Variants in DAOA observed in about 807,000 individuals in gnomAD.
DAOA encodes the protein D-amino acid oxidase activator.
Under a neutral mutation model 16.4 loss-of-function variants are expected in DAOA, and 15 were observed. The ratio of observed to expected loss-of-function variants is 0.91; its 90% confidence interval spans 0.61 to 1.41. The LOEUF (loss-of-function observed/expected upper bound fraction) is 1.41. Among genes scored for constraint, DAOA ranks in the 40% most tolerant of loss-of-function variants. DAOA has a pLI of 0.00. For missense variants in DAOA, 230 were observed against 176.8 expected, an observed-to-expected ratio of 1.30 and a Z score of -1.71; for synonymous variants, 75 against 59.1, an observed-to-expected ratio of 1.27 and a Z score of -1.23.
intron 3 of DAOA, among the ~76,000 whole-genome samples, chr13:105,470,290 C>G (rs1047237427): frequency 6.6e-6 from 1 of 152,062 alleles, no homozygotes; most frequent in Non-Finnish European, 1.5e-5. Flanking sequence ...AAATGCTATT[C>G]TTTTCCAGTT....
chr13:105,467,273 A>G (rs1876591533), intron 3 of DAOA, 132 bp downstream of exon 3: 1 of 1,037,746 alleles, frequency 9.6e-7, no homozygotes, highest in South Asian at 1.9e-5. Context: ...AGATACAGGA[A>G]GAAAATTTTT....
Position 105,467,130 on chromosome 13 carries a change from T to C in DAOA, c.122T>C (p.Leu41Pro). 3.7e-6 allele frequency: 6 copies of C among 1,608,826 alleles called. No individual in the cohort carries two copies. Among genetic ancestry groups the C allele is most frequent in the Non-Finnish European group, 5.1e-6 (6 of 1,176,574 alleles). ...CTTCTGAGCAAATCTGAAAACTCTC[T>C]AAACTCTATTGGTATGTTACTCTTT... ...SILLSKSENS[L>P]NSIAKETEEG... The change falls in exon 3 of 6, where the codon CTA becomes CCA. Residue 41 changes from leucine to proline, a missense_variant. Transcript: ENST00000375936.
chr13:105,486,175 G>T (rs1408588459), intron 4 of DAOA, among the ~76,000 whole-genome samples: 1 of 152,074 alleles, frequency 6.6e-6, no homozygotes, highest in Non-Finnish European at 1.5e-5. Flanking sequence ...ATGCTGTCCA[G>T]GATCTAAAAC....
At chr13:105,470,259 T>C (rs1205243571) in intron 3 of DAOA, among the ~76,000 whole-genome samples, 1 of 152,166 alleles carries the variant, frequency 6.6e-6, no homozygotes. Flanking sequence ...TGTTATGTAT[T>C]AAGCACACTG....
intron 4 of DAOA, among the ~76,000 whole-genome samples, chr13:105,483,577 T>C (rs759422143): frequency 6.6e-6 from 1 of 151,990 alleles, no homozygotes; most frequent in African/African-American, 2.4e-5. Context: ...TATCTTGTTA[T>C]GCTTTCATTT....
rs140861061 is a variant in DAOA at position 105,476,798 on chromosome 13, G to A, written c.281+4113G>A. On this transcript the variant is annotated intron_variant, in intron 4 of 5. Transcript: ENST00000375936. ...ACTCAAAACGTTTGAGTCTCAGCACGATTCCAGTCCCTGCCTCAGTTTCTC... is the reference window on the plus strand; with the variant it reads ...ACTCAAAACGTTTGAGTCTCAGCACAATTCCAGTCCCTGCCTCAGTTTCTC... 1.9e-3 allele frequency among the ~76,000 whole-genome samples: 280 copies of A among 149,504 alleles called. 1 individual carries two copies. Among genetic ancestry groups the A allele is most frequent in the African/African-American group, 6.6e-3 (269 of 40,714 alleles).
At chr13:105,474,756 A>G (rs1160909023) in intron 4 of DAOA, among the ~76,000 whole-genome samples, 1 of 152,166 alleles carries the variant, frequency 6.6e-6, no homozygotes, top group Non-Finnish European at 1.5e-5. Context: ...ATTGGGGAAG[A>G]GAGGAAGTTG....
chr13:105,485,748 A>G (rs1019996497), intron 4 of DAOA, among the ~76,000 whole-genome samples: 7 of 152,182 alleles, frequency 4.6e-5, no homozygotes, highest in Non-Finnish European at 1.0e-4. Flanking sequence ...GAAGGTGAAG[A>G]CATACAGGAA....
At chr13:105,484,659 G>A (rs1230546158) in intron 4 of DAOA, among the ~76,000 whole-genome samples, 1 of 151,946 alleles carries the variant, frequency 6.6e-6, no homozygotes, top group Non-Finnish European at 1.5e-5. Flanking sequence ...TATTAAATTT[G>A]AATTTTGAAA....
chr13:105,472,126 G>A (rs1027357760), intron 3 of DAOA, among the ~76,000 whole-genome samples: 33 of 152,312 alleles, frequency 2.2e-4, no homozygotes, highest in African/African-American at 4.3e-4. Flanking sequence ...GGGAAGGGAC[G>A]AGAGGACTAT....
At chr13:105,485,588 A>G (rs1322816617) in intron 4 of DAOA, among the ~76,000 whole-genome samples, 1 of 152,260 alleles carries the variant, frequency 6.6e-6, no homozygotes, top group African/African-American at 2.4e-5. Context: ...CTTAATCTGC[A>G]ATACCTATGA....
intron 4 of DAOA, among the ~76,000 whole-genome samples, chr13:105,476,276 ACT>A (rs1877322746): frequency 6.6e-6 from 1 of 152,118 alleles, no homozygotes; most frequent in Non-Finnish European, 1.5e-5. Flanking sequence ...GGAATTTCTC[ACT>A]TTTTTTCCTT....
intron 3 of DAOA, among the ~76,000 whole-genome samples, chr13:105,470,637 T>G (rs1275718100): frequency 6.6e-6 from 1 of 152,006 alleles, no homozygotes; most frequent in Non-Finnish European, 1.5e-5. Context: ...TGAGACAGAG[T>G]CTTGCTCCGT....
intron 1 of DAOA, 74 bp from the exon 2 acceptor site, chr13:105,466,142 C>T: frequency 7.8e-7 from 1 of 1,285,158 alleles, no homozygotes; most frequent in East Asian, 2.5e-5. Flanking sequence ...TCTTTTGCTG[C>T]AAAAGAGCTA....
intron 3 of DAOA, among the ~76,000 whole-genome samples, chr13:105,468,050 G>C (rs575165567): frequency 6.6e-6 from 1 of 152,058 alleles, no homozygotes; most frequent in South Asian, 2.1e-4. Context: ...GCCTTGGCTC[G>C]TGGCCTGCCC....
At chr13:105,488,736 A>AT (rs1381931923) in intron 4 of DAOA, among the ~76,000 whole-genome samples, 1 of 152,160 alleles carries the variant, frequency 6.6e-6, no homozygotes, top group Non-Finnish European at 1.5e-5. Flanking sequence ...AGCCTTCTAA[A>AT]GGATTAGGTT....
At chr13:105,484,685 G>A (rs1877988400) in intron 4 of DAOA, among the ~76,000 whole-genome samples, 1 of 152,042 alleles carries the variant, frequency 6.6e-6, no homozygotes, top group Admixed American at 6.6e-5. Flanking sequence ...CTAAAATCAT[G>A]CATTAGCTCT....
intron 3 of DAOA, among the ~76,000 whole-genome samples, chr13:105,468,504 T>C (rs1192010434): frequency 1.3e-5 from 2 of 152,224 alleles, no homozygotes; most frequent in Non-Finnish European, 2.9e-5. Context: ...ACCCAAGTAA[T>C]TTTATTTACT....
intron 4 of DAOA, among the ~76,000 whole-genome samples, chr13:105,484,444 C>A (rs1406748380): frequency 2.6e-5 from 4 of 152,020 alleles, no homozygotes; most frequent in Non-Finnish European, 2.9e-5. Flanking sequence ...ATCTTCCAAC[C>A]CATTAAAAAT....
Sources: allele counts gnomAD v4.1 joint callset (sites outside exome capture counted in the v4.1 genomes callset), GRCh38; gene constraint gnomAD v4.1.1; transcripts MANE v1.5; gene names NCBI Gene and HGNC (gene_info 2026-07-23, HGNC 2026-07-21).